The following ATG14 variants were observed in gnomAD, a reference collection of about 807,000 sequenced individuals.
ATG14 encodes autophagy related 14.
A neutral mutation model predicts 60.4 loss-of-function variants in ATG14; 35 were observed. That is an observed-to-expected ratio of 0.58 (90% CI 0.44 to 0.77). The LOEUF is 0.77. ATG14 is among the 30% of genes least tolerant of loss of function. The probability of loss-of-function intolerance (pLI) is 0.00; values close to 1 mark genes in which losing one functional copy is unlikely to be tolerated. For synonymous variants in ATG14, 234 were observed against 228.8 expected, an observed-to-expected ratio of 1.02 and a Z score of -0.21; for missense variants, 647 against 626.3, an observed-to-expected ratio of 1.03 and a Z score of -0.35.
chr14:55,408,711 C>A (rs1744741755), intron 1 of ATG14, among the ~76,000 whole-genome samples: 1 of 152,156 alleles, frequency 6.6e-6, no homozygotes, highest in South Asian at 2.1e-4. Context: ...TCTGAGGCTG[C>A]CGCATGCCAT....
chr14:55,380,799 T>C (rs541347949), intron 6 of ATG14, 109 bp from the exon 7 acceptor site: 1 of 559,082 alleles, frequency 1.8e-6, no homozygotes, highest in East Asian at 3.4e-5. Context: ...TGTTACGTTT[T>C]AGTGCTTCCT....
Position 55,411,527 on chromosome 14 carries a change from C to G in ATG14, c.221+75G>C, listed in dbSNP as rs1194402697. 2.6e-5 allele frequency: 37 copies of G among 1,437,032 alleles called. No individual in the cohort carries two copies. The Middle Eastern group carries it at 6.5e-4, about 25-fold the overall frequency. The allele number at this position is 1,437,032 out of a possible 1,614,324, so 89.0% of individuals were successfully genotyped here. ...TATCTGGTGCCCGGACGGGGAGCCC[C>G]AGGTTCCAGCCTTCGGCTGCCTGGC... On this transcript the variant is annotated intron_variant, in intron 1 of 9. Transcript: ENST00000247178.
Position 55,378,091 on chromosome 14 carries a change from C to A in ATG14, c.996-17G>T, listed in dbSNP as rs561319049. 2.4e-5 allele frequency: 39 copies of A among 1,605,080 alleles called. 2 individuals carry two copies. The South Asian group carries it at 4.0e-4, about 16-fold the overall frequency. ...CAAAATTCACTGTAAAACAAACATA[C>A]AATTTATAAAGTTGCATTTTTTGAG... On this transcript the variant is annotated splice_polypyrimidine_tract_variant and intron_variant, in intron 7 of 9. Coordinates refer to ENST00000247178, the MANE Select transcript of ATG14 (RefSeq NM_014924.5).
intron 1 of ATG14, 81 bp from the exon 2 acceptor site, chr14:55,397,515 T>A (rs1298820423): frequency 4.5e-6 from 5 of 1,103,308 alleles, no homozygotes; most frequent in Non-Finnish European, 6.8e-6. Context: ...CAAGAACCAA[T>A]CATTCTGCAG....
intron 9 of ATG14, among the ~76,000 whole-genome samples, chr14:55,370,523 C>T (rs949954774): frequency 6.6e-6 from 1 of 152,136 alleles, no homozygotes; most frequent in Non-Finnish European, 1.5e-5. Flanking sequence ...TTTTATTTCT[C>T]AAAGGTCCCT....
At position 55,395,995 on chromosome 14, in the gene ATG14, G is replaced by T; in HGVS notation, c.285-13C>A. On this transcript the variant is annotated splice_polypyrimidine_tract_variant and intron_variant, in intron 2 of 9. Coordinates refer to ENST00000247178, the MANE Select transcript of ATG14 (RefSeq NM_014924.5). ...AGCTTTTAACACTCTGTGAGGAAAA[G>T]AGACAGAAAATAAGCTCTTAAAAAT... The T allele has an allele frequency of 6.4e-7, 1 of 1,569,792 alleles. No homozygotes were observed. Among genetic ancestry groups the T allele is most frequent in the African/African-American group, 1.4e-5 (1 of 72,812 alleles).
In ATG14 at chr14:55,369,925, C is replaced by A. The variant is rs562870380; in HGVS notation, c.1173G>T (p.Arg391Ser). The A allele has an allele frequency of 3.6e-5, 58 of 1,597,836 alleles. No homozygotes were observed. The highest frequency in any genetic ancestry group is 4.7e-5 in the Non-Finnish European group (55 of 1,170,600). ...CTGCTCGTACTTCAAAGGGCCCTGA[C>A]CTGTGTGCAGACAATGAGGGTCTCT... Reference protein sequence around the residue: ...LVSPSSEHLGRSGPFEVRADL... With the variant: ...LVSPSSEHLGSSGPFEVRADL... Residue 391 changes from arginine to serine, a missense_variant and splice_region_variant, in exon 10 of 10, where the codon AGG (arginine) becomes AGT (serine). By Grantham distance (110) the Arg-to-Ser change is moderately radical. Transcript: ENST00000247178.
intron 9 of ATG14, among the ~76,000 whole-genome samples, chr14:55,371,032 C>T (rs1387514106): frequency 2.0e-5 from 3 of 152,282 alleles, no homozygotes; most frequent in South Asian, 2.1e-4. Flanking sequence ...TAGGCAGCCA[C>T]CCCCACCCAC....
At chr14:55,373,677 T>G (rs536284382) in intron 9 of ATG14, among the ~76,000 whole-genome samples, 1 of 152,202 alleles carries the variant, frequency 6.6e-6, no homozygotes, top group South Asian at 2.1e-4. Flanking sequence ...CGGGCTGGTC[T>G]CAAACTCCTG....
At chr14:55,395,805 A>C in intron 3 of ATG14, 135 bp downstream of exon 3, 1 of 490,810 alleles carries the variant, frequency 2.0e-6, no homozygotes, top group Non-Finnish European at 3.3e-6. Flanking sequence ...TATTTGAGAA[A>C]GCCACGCTAC....
At chr14:55,392,564 G>A (rs905303033) in intron 3 of ATG14, among the ~76,000 whole-genome samples, 2 of 150,726 alleles carry the variant, frequency 1.3e-5, no homozygotes, top group African/African-American at 2.4e-5. Context: ...TGGGAGAATC[G>A]CTTGAGCCCA....
At chr14:55,373,700 C>A (rs1375410912) in intron 9 of ATG14, among the ~76,000 whole-genome samples, 1 of 152,048 alleles carries the variant, frequency 6.6e-6, no homozygotes, top group Non-Finnish European at 1.5e-5. Context: ...CTCAAGTGAT[C>A]CGCCCACCTC....
intron 5 of ATG14, among the ~76,000 whole-genome samples, chr14:55,383,291 C>T (rs1356262504): frequency 6.6e-6 from 1 of 152,172 alleles, no homozygotes; most frequent in Non-Finnish European, 1.5e-5. Flanking sequence ...TGATTCATGC[C>T]TGTAATCCCA....
chr14:55,397,943 CTTTTTTTTTTTTT>C (rs928087584), intron 1 of ATG14, among the ~76,000 whole-genome samples: 5 of 105,558 alleles, frequency 4.7e-5, no homozygotes, highest in Admixed American at 1.0e-4. Flanking sequence ...TGCAGTAATT[CTTTTTTTTTTTTT>C]TTTTTTTTTG....
intron 1 of ATG14, among the ~76,000 whole-genome samples, chr14:55,411,354 C>T (rs955525925): frequency 6.6e-6 from 1 of 152,228 alleles, no homozygotes; most frequent in African/African-American, 2.4e-5. Context: ...TCCCCAGTGA[C>T]CAAGAGCACC....
At chr14:55,409,432 T>C (rs1885537280) in intron 1 of ATG14, among the ~76,000 whole-genome samples, 2 of 151,944 alleles carry the variant, frequency 1.3e-5, no homozygotes, top group African/African-American at 4.8e-5. Flanking sequence ...GTTAGACAAA[T>C]TAATATGTAC....
chr14:55,369,763 A>G lies in ATG14; in HGVS notation c.1335T>C (p.Asp445=), dbSNP rs757920192. 6.2e-6 allele frequency: 10 copies of G among 1,614,076 alleles called. No individual in the cohort carries two copies. The South Asian group carries it at 7.7e-5, about 12-fold the overall frequency. ...WENLPSPRFC[D]IPSQSVEVSQ... is the part of the protein sequence containing the mutation. ...AGACTTCCACAGACTGGGAAGGGAT[A>G]TCACAAAACCGGGGACTAGGCAAGT... is the stretch of plus-strand genomic sequence containing the variant. The change falls in exon 10 of 10, where the codon GAT becomes GAC. Residue 445 remains aspartate (D), a synonymous_variant. Coordinates refer to ENST00000247178, the MANE Select transcript of ATG14 (RefSeq NM_014924.5).
chr14:55,391,205 G>C (rs60726667), intron 3 of ATG14: 65,006 of 406,010 alleles, frequency 0.16, 5,788 homozygotes, highest in South Asian at 0.19. Context: ...GGCCAGTGCG[G>C]TGGCTCACGC....
At chr14:55,382,312 A>G in intron 5 of ATG14, 121 bp from the exon 6 acceptor site, 2 of 785,154 alleles carry the variant, frequency 2.5e-6, no homozygotes, top group East Asian at 5.4e-5. Flanking sequence ...TTTTACATTA[A>G]ATTTTTATTT....
Sources: gnomAD v4.1 joint callset for allele counts (sites outside exome capture counted in the v4.1 genomes callset) on GRCh38, gnomAD v4.1.1 for gene constraint, MANE v1.5 for transcripts, NCBI Gene and HGNC (gene_info 2026-07-23, HGNC 2026-07-21) for gene names.